MOK: variants seen among roughly 807,000 people sequenced by gnomAD.
The protein encoded by MOK is MAPK/MAK/MRK overlapping kinase.
Under a neutral mutation model 54.2 loss-of-function variants are expected in MOK, and 59 were observed. That is an observed-to-expected ratio of 1.09 (90% CI 0.88 to 1.35). MOK has a LOEUF of 1.35. Ranked by LOEUF, MOK falls within the 40% of genes most tolerant of loss-of-function variation. MOK has a pLI of 0.00. For missense variants in MOK, 517 were observed against 526.2 expected (o/e 0.98, Z 0.17); for synonymous variants, 210 against 202.7 (o/e 1.04, Z -0.31).
intron 2 of MOK, among the ~76,000 whole-genome samples, chr14:102,282,703 C>T (rs1567222751): frequency 6.6e-6 from 1 of 152,000 alleles, no homozygotes; most frequent in East Asian, 1.9e-4. Flanking sequence ...CATTGCACTC[C>T]AGCCTGGATG....
chr14:102,251,298 C>T (rs938387349), intron 6 of MOK: 6 of 396,918 alleles, frequency 1.5e-5, no homozygotes, highest in South Asian at 4.5e-5. Context: ...GTCGTCTGTC[C>T]GGTCATGCTG....
chr14:102,233,578 C>A, intron 8 of MOK, 110 bp downstream of exon 8: 1 of 884,628 alleles, frequency 1.1e-6, no homozygotes, highest in East Asian at 2.5e-5. Context: ...CTGTAGTCAG[C>A]CAAAGGAGCT....
In MOK at chr14:102,232,041, T is replaced by G. The variant is rs1166669941; in HGVS notation, c.867-220A>C. 6 of 452,822 alleles carry G rather than the reference T, an allele frequency of 1.3e-5. No homozygotes were observed. Among genetic ancestry groups the G allele is most frequent in the African/African-American group, 8.0e-5 (4 of 50,284 alleles). The allele number at this position is 452,822 out of a possible 1,614,324, so 28.1% of individuals were successfully genotyped here. ...GGCTCCATGAATCAGAAGCGCTGCC[T>G]ACCCAGGGACTCGCAGTTTCAGATC... On this transcript the variant is annotated intron_variant, in intron 9 of 11. Transcript: ENST00000361847. The surrounding 1 kb of genome is among the most constrained non-coding windows in gnomAD (Gnocchi z 5.1).
the MOK span, among the ~76,000 whole-genome samples, chr14:102,216,320 TTG>T: frequency 6.6e-6 from 1 of 152,284 alleles, no homozygotes; most frequent in East Asian, 1.9e-4. Context: ...GCGTTTTGGT[TTG>T]TGTTTTTTGA....
chr14:102,273,042 T>C (rs1055720878), intron 2 of MOK, among the ~76,000 whole-genome samples: 15 of 151,916 alleles, frequency 9.9e-5, no homozygotes, highest in Non-Finnish European at 1.9e-4. Context: ...TGGTGGCGGG[T>C]GCCTGTAGTC....
chr14:102,265,638 A>G (rs1035228804), intron 3 of MOK, among the ~76,000 whole-genome samples, 185 bp downstream of exon 3: 7 of 152,180 alleles, frequency 4.6e-5, no homozygotes, highest in Non-Finnish European at 7.3e-5. Context: ...TTCTCAAAAA[A>G]TAATAATAAA....
rs1597366601 is a variant in MOK at position 102,250,916 on chromosome 14, G to A, written c.486C>T (p.Ile162=). The A allele has an allele frequency of 6.2e-7, 1 of 1,614,140 alleles. No individual in the cohort carries two copies. Among genetic ancestry groups the A allele is most frequent in the Admixed American group, 1.7e-5 (1 of 60,032 alleles). Residue 162 remains isoleucine (I), a synonymous_variant, in exon 7 of 12, where the codon ATC becomes ATT. Transcript: ENST00000361847. ...CCGGGGCCCGGTACCAGCGGGTGGAGATGTATTCCGTGTACGGCTGCTTGG... is the reference window on the plus strand; with the variant it reads ...CCGGGGCCCGGTACCAGCGGGTGGAAATGTATTCCGTGTACGGCTGCTTGG... The part of the protein sequence containing the change: ...VYSKQPYTEY[I]STRWYRAPEC...
At chr14:102,293,100 T>C (rs1167605917) in intron 1 of MOK, among the ~76,000 whole-genome samples, 1 of 152,104 alleles carries the variant, frequency 6.6e-6, no homozygotes, top group Non-Finnish European at 1.5e-5. Context: ...GCCACTGCAC[T>C]CCAGCCTGGG....
chr14:102,281,135 C>A (rs1384466995), intron 2 of MOK, among the ~76,000 whole-genome samples: 1 of 152,006 alleles, frequency 6.6e-6, no homozygotes, highest in Non-Finnish European at 1.5e-5. Flanking sequence ...ACCAGCCTGG[C>A]CAACATGGTG....
At position 102,232,479 on chromosome 14, in the gene MOK, T is replaced by A; in HGVS notation, c.866+56A>T. The A allele has an allele frequency of 1.3e-6, 2 of 1,556,320 alleles. No homozygotes were observed. The highest frequency in any genetic ancestry group is 1.8e-6 in the Non-Finnish European group (2 of 1,142,288). On this transcript the variant is annotated intron_variant, in intron 9 of 11. Transcript: ENST00000361847. This position sits in a 1 kb window ranked among gnomAD's most constrained non-coding sequence, Gnocchi z 5.1. ...AGTACCTTGCCCCACCATGTGCCCA[T>A]GGGTCTCATTTGCCAGGTCCTGCAT... is the stretch of plus-strand genomic sequence containing the variant.
chr14:102,263,229 C>T (rs189198864), intron 4 of MOK, among the ~76,000 whole-genome samples: 5 of 152,258 alleles, frequency 3.3e-5, no homozygotes, highest in African/African-American at 4.8e-5. Context: ...CCTGAGCCAG[C>T]GGGCCTGCAC....
intron 7 of MOK, among the ~76,000 whole-genome samples, chr14:102,241,225 T>C (rs1162245827): frequency 6.6e-6 from 1 of 152,116 alleles, no homozygotes; most frequent in African/African-American, 2.4e-5. Context: ...TCTGAGTCCT[T>C]TGAATCCTTT....
chr14:102,278,920 G>A (rs991151594), intron 2 of MOK, among the ~76,000 whole-genome samples: 2 of 152,088 alleles, frequency 1.3e-5, no homozygotes, highest in South Asian at 2.1e-4. Flanking sequence ...GCTTTATTAC[G>A]GTGTGCCAGC....
At position 102,229,075 on chromosome 14, in the gene MOK, G is replaced by C. The variant is rs201440332; in HGVS notation, c.*214C>G. ...AAAATGAAAGAAAACCCTAGAATGC[G>C]GTGGTTTTACAAGTATATTAGCCCA... On this transcript the variant is annotated 3_prime_UTR_variant, in exon 12 of 12. Coordinates refer to ENST00000361847, the MANE Select transcript of MOK (RefSeq NM_014226.3). The C allele has an allele frequency of 3.9e-6, 2 of 511,064 alleles. No homozygotes were observed. The highest frequency in any genetic ancestry group is 3.7e-5 in the South Asian group (1 of 27,320). The allele number at this position is 511,064 out of a possible 1,614,324, so 31.7% of individuals were successfully genotyped here. A position where few individuals can be genotyped will look rare whatever the true frequency, so the allele number is the denominator to read the frequency against.
In MOK at chr14:102,235,931, C is replaced by T. The variant is rs576078411; in HGVS notation, c.591-2142G>A. Among the ~76,000 whole-genome samples, 6 of 152,116 alleles carry T rather than the reference C, an allele frequency of 3.9e-5. No individual in the cohort carries two copies. The highest frequency in any genetic ancestry group is 8.8e-5 in the Non-Finnish European group (6 of 68,012). The stretch of plus-strand genomic sequence containing the variant: ...CGTGCTAAATACCAGCTTCTAGCAG[C>T]GGCTGTCCATCAACCCAGCCGTATC... On this transcript the variant is annotated intron_variant, in intron 7 of 11. Coordinates refer to ENST00000361847, the MANE Select transcript of MOK (RefSeq NM_014226.3). This position sits in a 1 kb window ranked among gnomAD's most constrained non-coding sequence, Gnocchi z 4.4.
intron 2 of MOK, among the ~76,000 whole-genome samples, chr14:102,266,497 G>A (rs940296800): frequency 1.3e-5 from 2 of 151,946 alleles, no homozygotes; most frequent in Non-Finnish European, 2.9e-5. Flanking sequence ...TGATCGGCCC[G>A]CCTCAGCCAC....
At chr14:102,283,628 T>C (rs2069710609) in intron 1 of MOK, 36 bp from the exon 2 acceptor site, 1 of 1,353,522 alleles carries the variant, frequency 7.4e-7, no homozygotes, top group Non-Finnish European at 1.0e-6. Flanking sequence ...TAAAATGTTA[T>C]TTATGCATAC....
chr14:102,292,244 C>T (rs566960794), intron 1 of MOK, among the ~76,000 whole-genome samples: 118 of 151,822 alleles, frequency 7.8e-4, no homozygotes, highest in African/African-American at 2.6e-3. Context: ...GAGGCTGAGG[C>T]GGGTGGATCA....
At chr14:102,226,427 C>G (rs150225901), downstream of MOK, 4 of 702,960 alleles carry the variant, frequency 5.7e-6, no homozygotes, top group East Asian at 2.7e-5. The surrounding 1 kb of genome is among the most constrained non-coding windows in gnomAD (Gnocchi z 4.8). Context: ...ATAATTCAAG[C>G]GCTTCAATTG....
Sources: allele counts gnomAD v4.1 joint callset (sites outside exome capture counted in the v4.1 genomes callset), GRCh38; gene constraint gnomAD v4.1.1; non-coding constraint Gnocchi (gnomAD v3.1); transcripts MANE v1.5; gene names NCBI Gene and HGNC (gene_info 2026-07-23, HGNC 2026-07-21).